Variants in PCDHGA6 observed in about 807,000 individuals in gnomAD.
PCDHGA6 encodes the protein protocadherin gamma subfamily A, 6.
In PCDHGA6, 41 loss-of-function variants were observed where a neutral mutation model predicts 60.6. The observed-to-expected ratio is 0.68, with a 90% CI of 0.53 to 0.88. The LOEUF is 0.88. Among genes scored for constraint, PCDHGA6 ranks in the 40% least tolerant of loss-of-function variants. PCDHGA6 has a pLI of 0.00. For synonymous variants in PCDHGA6, 594 were observed against 524.4 expected (o/e 1.13, Z -1.81); for missense variants, 1,312 against 1,203.0 (o/e 1.09, Z -1.34).
At chr5:141,421,823 G>A in intron 1 of PCDHGA6, 1 of 1,613,802 alleles carries the variant, frequency 6.2e-7, no homozygotes. Flanking sequence ...GTACTGGAGG[G>A]AAGCCTGGAC....
chr5:141,507,570 G>A (rs562674847), intron 3 of PCDHGA6, among the ~76,000 whole-genome samples: 1 of 152,366 alleles, frequency 6.6e-6, no homozygotes, highest in South Asian at 2.1e-4. Flanking sequence ...CTGGGTCTGA[G>A]GAGATGCCAA....
intron 1 of PCDHGA6, among the ~76,000 whole-genome samples, chr5:141,406,302 C>T (rs897412289): frequency 1.3e-4 from 20 of 152,020 alleles, no homozygotes; most frequent in African/African-American, 4.8e-4. Context: ...GAGGTGTGAA[C>T]CACCTCACCC....
chr5:141,377,395 C>T (rs1468880998), intron 1 of PCDHGA6: 1 of 151,984 alleles, frequency 6.6e-6, no homozygotes, highest in Non-Finnish European at 1.5e-5. Context: ...CCCTTGAGAC[C>T]AGGAGTTTGA....
At chr5:141,439,547 T>C (rs2098120171) in intron 1 of PCDHGA6, among the ~76,000 whole-genome samples, 2 of 152,180 alleles carry the variant, frequency 1.3e-5, no homozygotes, top group Non-Finnish European at 2.9e-5. Context: ...CTCTCATTTC[T>C]TCAGGCTGCA....
intron 1 of PCDHGA6, chr5:141,390,412 C>A: frequency 8.3e-7 from 1 of 1,206,056 alleles, no homozygotes; most frequent in Admixed American, 2.5e-5. Flanking sequence ...AAGTTGTAGT[C>A]AGTTAAAAAG....
rs567061101 is a variant in PCDHGA6 at position 141,432,791 on chromosome 5, C to T, written c.2424+56284C>T. The T allele has an allele frequency of 2.7e-5, 44 of 1,614,064 alleles. No homozygotes were observed. Among genetic ancestry groups the T allele is most frequent in the Admixed American group, 8.3e-5 (5 of 60,034 alleles). On this transcript the variant is annotated intron_variant, in intron 1 of 3. Coordinates refer to ENST00000517434, the MANE Select transcript of PCDHGA6 (RefSeq NM_018919.3). The surrounding 1 kb of genome is among the most constrained non-coding windows in gnomAD (Gnocchi z 6.0). ...CCAAGTCCTGGCGGACCTCGGCAGC[C>T]TCGAGTCTCCAGCTAACTCTGAAAC... is the stretch of plus-strand genomic sequence containing the variant.
intron 1 of PCDHGA6, chr5:141,418,920 A>G: frequency 6.2e-7 from 1 of 1,613,992 alleles, no homozygotes; most frequent in Non-Finnish European, 8.5e-7. Flanking sequence ...TCACTCTCTG[A>G]TCAGATTATG....
At chr5:141,474,807 A>C (rs945920397) in intron 1 of PCDHGA6, among the ~76,000 whole-genome samples, 8 of 152,364 alleles carry the variant, frequency 5.3e-5, no homozygotes, top group Admixed American at 1.3e-4. Context: ...AGTGGTTTGC[A>C]TCATTAATTG....
intron 1 of PCDHGA6, chr5:141,430,691 G>C (rs1479214920): frequency 1.4e-6 from 2 of 1,416,472 alleles, no homozygotes; most frequent in Non-Finnish European, 1.9e-6. Flanking sequence ...CCATTCTATG[G>C]GCGAAGGAAC....
At chr5:141,478,045 T>C in intron 1 of PCDHGA6, 3 of 1,614,144 alleles carry the variant, frequency 1.9e-6, no homozygotes, top group East Asian at 2.2e-5. Flanking sequence ...CCAGGCAGAC[T>C]CTCACGGTCT....
chr5:141,395,437 G>A lies in PCDHGA6; in HGVS notation c.2424+18930G>A, dbSNP rs973609255. On this transcript the variant is annotated intron_variant, in intron 1 of 3. Coordinates refer to ENST00000517434, the MANE Select transcript of PCDHGA6 (RefSeq NM_018919.3). ...TGTTTCATTTGCTTTTAAACGACTT[G>A]GAAAAGATTGTTCAACCATTTTAAG... 5.2e-5 allele frequency: 35 copies of A among 668,254 alleles called. No homozygotes were observed. The African/African-American group carries it at 6.1e-4, about 12-fold the overall frequency. 41.4% of individuals were successfully genotyped at this position (668,254 alleles called of 1,614,324 possible).
At position 141,476,645 on chromosome 5, in the gene PCDHGA6, A is replaced by G. The variant is rs150444699; in HGVS notation, c.2425-18162A>G. The G allele has an allele frequency of 1.2e-4, 199 of 1,614,128 alleles. No homozygotes were observed. Among genetic ancestry groups the G allele is most frequent in the Non-Finnish European group, 1.6e-4 (194 of 1,180,060 alleles). ...TTTACAAACCTATGAGCTGAGCCGA[A>G]ATGAATACTTTGCGCTTCGCGTGCA... On this transcript the variant is annotated intron_variant, in intron 1 of 3. Transcript: ENST00000517434. The surrounding 1 kb of genome is among the most constrained non-coding windows in gnomAD (Gnocchi z 7.6).
chr5:141,388,795 C>T, intron 1 of PCDHGA6: 1 of 1,613,834 alleles, frequency 6.2e-7, no homozygotes, highest in Admixed American at 1.7e-5. Context: ...GTTTTAAATA[C>T]ATTAGATTTT....
rs376057952 is a variant in PCDHGA6 at position 141,417,907 on chromosome 5, A to G, written c.2424+41400A>G. On this transcript the variant is annotated intron_variant, in intron 1 of 3. Transcript: ENST00000517434. Reference sequence around the variant, plus strand: ...GGCGCCGGGCCGGCCCGCGGCAGGTACTATTTCCTTTGCTGCTGCCTTTGT... The same window carrying G: ...GGCGCCGGGCCGGCCCGCGGCAGGTGCTATTTCCTTTGCTGCTGCCTTTGT... The G allele has an allele frequency of 3.6e-4, 571 of 1,596,132 alleles. 2 individuals are homozygous for G. In the African/African-American group the frequency reaches 5.1e-3, roughly 14 times the overall value.
chr5:141,459,617 A>G (rs900986636), intron 1 of PCDHGA6, among the ~76,000 whole-genome samples: 2 of 152,258 alleles, frequency 1.3e-5, no homozygotes, highest in African/African-American at 2.4e-5. Flanking sequence ...GCTTAACTTT[A>G]TAAGAAGCTG....
rs1174072440 is a variant in PCDHGA6, at chr5:141,438,581, TACATACATAC to T, written c.2425-56224_2425-56215del. Among the ~76,000 whole-genome samples, 141 of 49,790 alleles carry T rather than the reference TACATACATAC, an allele frequency of 2.8e-3. 1 individual carries two copies. Among genetic ancestry groups the T allele is most frequent in the African/African-American group, 0.014 (97 of 6,866 alleles). 32.7% of individuals were successfully genotyped at this position (49,790 alleles called of 152,430 possible). A position where few individuals can be genotyped will look rare whatever the true frequency, so the allele number is the denominator to read the frequency against. On this transcript the variant is annotated intron_variant, in intron 1 of 3. Coordinates refer to ENST00000517434, the MANE Select transcript of PCDHGA6 (RefSeq NM_018919.3). ...GAGGCAGCTGTCTGATATACATACA[TACATACATAC>T]ATATATATATATATATATATATATA...
chr5:141,413,737 A>AC, intron 1 of PCDHGA6: 1 of 1,613,410 alleles, frequency 6.2e-7, no homozygotes, highest in Non-Finnish European at 8.5e-7. Flanking sequence ...AAGAGTTCAG[A>AC]GCCGTGCCAA....
At chr5:141,478,215 T>C (rs764444582) in intron 1 of PCDHGA6, 11 of 1,614,118 alleles carry the variant, frequency 6.8e-6, no homozygotes. Context: ...TCTCTAATCC[T>C]GGTTTCTGTG....
chr5:141,395,158 A>G, intron 1 of PCDHGA6: 2 of 1,614,208 alleles, frequency 1.2e-6, no homozygotes, highest in Non-Finnish European at 1.7e-6. Context: ...CTCATCAGTC[A>G]GGAGGGCTGT....
Sources: allele counts gnomAD v4.1 joint callset (sites outside exome capture counted in the v4.1 genomes callset), GRCh38; gene constraint gnomAD v4.1.1; non-coding constraint Gnocchi (gnomAD v3.1); transcripts MANE v1.5; gene names NCBI Gene and HGNC (gene_info 2026-07-23, HGNC 2026-07-21).